Variants in DIXDC1 observed in about 807,000 individuals in gnomAD.
The protein encoded by DIXDC1 is DIX domain containing 1, also known as dixin.
In DIXDC1, 64 loss-of-function variants were observed where a neutral mutation model predicts 103.1. The observed-to-expected ratio is 0.62, with a 90% CI of 0.51 to 0.76. The LOEUF is 0.76. Among genes scored for constraint, DIXDC1 ranks in the 30% least tolerant of loss-of-function variants. The pLI is 0.00. For synonymous variants in DIXDC1, 266 were observed against 298.5 expected (o/e 0.89, Z 1.12); for missense variants, 759 against 834.2 (o/e 0.91, Z 1.11).
intron 1 of DIXDC1, among the ~76,000 whole-genome samples, chr11:111,938,445 T>C (rs1966296503): frequency 6.6e-6 from 1 of 152,186 alleles, no homozygotes; most frequent in African/African-American, 2.4e-5. Flanking sequence ...TCGCTCCTTT[T>C]CCTTCCATCT....
rs1184191392 is a variant in DIXDC1, at chr11:111,937,564, CTG to C, written c.60+7_60+8del. The C allele has an allele frequency of 1.3e-6, 2 of 1,587,060 alleles. No individual in the cohort carries two copies. Among genetic ancestry groups the C allele is most frequent in the African/African-American group, 1.3e-5 (1 of 74,278 alleles). On this transcript the variant is annotated splice_donor_region_variant and intron_variant, in intron 1 of 19. Transcript: ENST00000440460. Reference sequence around the variant, plus strand: ...CTGCAGGAGGGCTTCAATGAGGTAACTGTCCTGCTCCTCCCACTCCTCAGCTC... The same window carrying C: ...CTGCAGGAGGGCTTCAATGAGGTAACTCCTGCTCCTCCCACTCCTCAGCTC...
At chr11:111,990,161 G>A (rs1350091270) in intron 10 of DIXDC1, among the ~76,000 whole-genome samples, 2 of 149,568 alleles carry the variant, frequency 1.3e-5, no homozygotes, top group Non-Finnish European at 3.0e-5. Context: ...CGTGATCTTG[G>A]CTTACTGCAA....
At position 111,982,362 on chromosome 11, in the gene DIXDC1, C is replaced by T. The variant is rs1419374563; in HGVS notation, c.793C>T (p.Arg265Ter). The T allele has an allele frequency of 7.4e-6, 12 of 1,613,902 alleles. No individual in the cohort carries two copies. Among genetic ancestry groups the T allele is most frequent in the South Asian group, 2.2e-5 (2 of 91,064 alleles). Reference protein sequence around the residue: ...RTEGTDSPLSRDWRPGSPGTY... With the variant: ...RTEGTDSPLS ...AGAAGGGACAGATTCTCCATTATCT[C>T]GAGACTGGCGGCCAGGGAGCCCTGG... The change falls in exon 7 of 20, where the codon CGA becomes TGA. Residue 265 changes from arginine (R) to a stop codon, truncating the protein, a stop_gained. Transcript: ENST00000440460. LOFTEE classifies it high-confidence loss of function.
chr11:112,009,711 C>T (rs587735227), intron 17 of DIXDC1, among the ~76,000 whole-genome samples: 68 of 152,292 alleles, frequency 4.5e-4, no homozygotes, highest in African/African-American at 1.6e-3. Flanking sequence ...AGAAAAACCA[C>T]ATGATTATCT....
intron 1 of DIXDC1, among the ~76,000 whole-genome samples, chr11:111,945,398 C>T (rs1966559364): frequency 6.6e-6 from 1 of 152,122 alleles, no homozygotes; most frequent in Non-Finnish European, 1.5e-5. Flanking sequence ...CAAGTGTGAC[C>T]AGTGGAGGGG....
At chr11:112,000,192 A>G (rs781852099) in intron 17 of DIXDC1, among the ~76,000 whole-genome samples, 17 of 152,054 alleles carry the variant, frequency 1.1e-4, no homozygotes, top group Non-Finnish European at 2.4e-4. Context: ...ATTGGACTTC[A>G]TCAAAATTAA....
intron 1 of DIXDC1, among the ~76,000 whole-genome samples, chr11:111,962,468 C>A (rs1859613300): frequency 1.3e-5 from 2 of 150,730 alleles, no homozygotes; most frequent in Non-Finnish European, 2.9e-5. Flanking sequence ...GGCGACAGAG[C>A]AAGACTCCAT....
intron 1 of DIXDC1, among the ~76,000 whole-genome samples, chr11:111,927,964 C>G (rs1201263112): frequency 7.1e-6 from 1 of 140,430 alleles, no homozygotes; most frequent in Non-Finnish European, 1.5e-5. Flanking sequence ...TGCAGTGAGC[C>G]GAGATCTCGC....
intron 1 of DIXDC1, among the ~76,000 whole-genome samples, chr11:111,948,216 AT>A (rs1966662047): frequency 6.6e-6 from 1 of 152,124 alleles, no homozygotes; most frequent in Admixed American, 6.6e-5. Flanking sequence ...ACTCTACAGA[AT>A]TTTCCCATCC....
At chr11:112,007,610 C>T (rs993767716) in intron 17 of DIXDC1, among the ~76,000 whole-genome samples, 7 of 152,144 alleles carry the variant, frequency 4.6e-5, no homozygotes, top group East Asian at 1.9e-4. Context: ...GCGGATCTCT[C>T]GACAGAAACT....
At chr11:111,934,824 T>C (rs1391856579), upstream of DIXDC1, among the ~76,000 whole-genome samples, 6 of 152,214 alleles carry the variant, frequency 3.9e-5, no homozygotes, top group Middle Eastern at 3.4e-3. Flanking sequence ...CTATGTAAAA[T>C]AGTATAATTT....
Position 111,958,698 on chromosome 11 carries a change from T to C in DIXDC1, c.61-5851T>C, listed in dbSNP as rs1859471617. 6.6e-6 allele frequency among the ~76,000 whole-genome samples: 1 copy of C among 152,128 alleles called. No individual in the cohort carries two copies. The highest frequency in any genetic ancestry group is 6.5e-5 in the Admixed American group (1 of 15,280). On this transcript the variant is annotated intron_variant, in intron 1 of 19. Transcript: ENST00000440460. The surrounding 1 kb of genome is among the most constrained non-coding windows in gnomAD (Gnocchi z 4.2). ...CTTCAAACCAGGGAGGCCTGAAGCCTGGGGGGTCAGGCTGCCAGCCCCGCA... is the reference window on the plus strand; with the variant it reads ...CTTCAAACCAGGGAGGCCTGAAGCCCGGGGGGTCAGGCTGCCAGCCCCGCA...
At chr11:111,964,705 A>G (rs1396974267) in intron 2 of DIXDC1, 27 bp downstream of exon 2, 1 of 1,562,056 alleles carries the variant, frequency 6.4e-7, no homozygotes. Context: ...CTCTGATACT[A>G]GAGTACATAG....
chr11:111,971,216 A>G (rs1859912239), intron 3 of DIXDC1, among the ~76,000 whole-genome samples: 1 of 152,230 alleles, frequency 6.6e-6, no homozygotes, highest in Non-Finnish European at 1.5e-5. Flanking sequence ...AAATATTCAC[A>G]AACTATGAAT....
chr11:111,975,443 C>G (rs1210655053), intron 5 of DIXDC1: 2 of 1,009,508 alleles, frequency 2.0e-6, no homozygotes, highest in Admixed American at 1.1e-4. Flanking sequence ...TCCAACTTTC[C>G]TCTACAGGAA....
intron 1 of DIXDC1, among the ~76,000 whole-genome samples, chr11:111,950,410 GTATATATATATATATATA>G (rs1555169787): frequency 1.4e-3 from 34 of 25,038 alleles, no homozygotes; most frequent in African/African-American, 3.4e-3. Flanking sequence ...TACAAAGTAG[GTATATATATATATATATA>G]TATATATATA....
upstream of DIXDC1, among the ~76,000 whole-genome samples, chr11:111,934,378 A>G (rs781948422): frequency 1.3e-5 from 2 of 152,246 alleles, no homozygotes; most frequent in Non-Finnish European, 2.9e-5. Flanking sequence ...GAAGCCAGGT[A>G]TAAGTTCAGA....
In DIXDC1 at chr11:111,977,500, C is replaced by A; in HGVS notation, c.656+2517C>A. The A allele has an allele frequency of 7.5e-7, 1 of 1,339,400 alleles. No individual in the cohort carries two copies. The highest frequency in any genetic ancestry group is 1.7e-5 in the South Asian group (1 of 58,932). 83.0% of individuals were successfully genotyped at this position (1,339,400 alleles called of 1,614,324 possible). A position where few individuals can be genotyped will look rare whatever the true frequency, so the allele number is the denominator to read the frequency against. The stretch of plus-strand genomic sequence containing the variant: ...GCCTGCGAGGGGAGGCAGCTTCCGC[C>A]GGGGCCGGGCTGCTGCACAGTCTGA... On this transcript the variant is annotated intron_variant, in intron 5 of 19. Coordinates refer to ENST00000440460, the MANE Select transcript of DIXDC1 (RefSeq NM_001037954.4). This position sits in a 1 kb window ranked among gnomAD's most constrained non-coding sequence, Gnocchi z 6.1.
intron 17 of DIXDC1, among the ~76,000 whole-genome samples, chr11:112,003,691 G>A (rs1182945114): frequency 2.0e-5 from 3 of 151,432 alleles, no homozygotes; most frequent in African/African-American, 4.9e-5. Flanking sequence ...CCAGCTACTC[G>A]GGAGGCTGAG....
Sources: allele counts gnomAD v4.1 joint callset (sites outside exome capture counted in the v4.1 genomes callset), GRCh38; gene constraint gnomAD v4.1.1; non-coding constraint Gnocchi (gnomAD v3.1); transcripts MANE v1.5; gene names NCBI Gene and HGNC (gene_info 2026-07-23, HGNC 2026-07-21).